Variants in TECTA observed in about 807,000 individuals in gnomAD.
The protein encoded by TECTA is alpha-tectorin.
Under a neutral mutation model 216.8 loss-of-function variants are expected in TECTA, and 128 were observed. The observed-to-expected ratio is 0.59, with a 90% CI of 0.51 to 0.68. TECTA has a LOEUF of 0.68. Ranked by LOEUF, TECTA falls within the 30% of genes least tolerant of loss-of-function variation. TECTA has a pLI of 0.00. For missense variants in TECTA, 2,551 were observed against 2,786.2 expected, an observed-to-expected ratio of 0.92 and a Z score of 1.90; for synonymous variants, 1,089 against 1,117.1, an observed-to-expected ratio of 0.97 and a Z score of 0.50.
At chr11:121,167,116 G>T (rs1311114173) in intron 18 of TECTA, among the ~76,000 whole-genome samples, 1 of 152,146 alleles carries the variant, frequency 6.6e-6, no homozygotes, top group Non-Finnish European at 1.5e-5. Context: ...AGGGGGTAAG[G>T]GAGTCCCGAA....
chr11:121,125,308 G>C lies in TECTA; in HGVS notation c.1210G>C (p.Asp404His), dbSNP rs760470781. ...KGSYGRVKVNDLVTSLPVTLD... is the reference protein window; with the variant it reads ...KGSYGRVKVNHLVTSLPVTLD... Reference sequence around the variant, plus strand: ...CTATTACTGTTGTTGGCAGGTTAATGACCTAGTGACTTCTTTGCCTGTCAC... The same window carrying C: ...CTATTACTGTTGTTGGCAGGTTAATCACCTAGTGACTTCTTTGCCTGTCAC... The change falls in exon 8 of 24, where the codon GAC becomes CAC. Residue 404 changes from aspartate to histidine, a missense_variant. Asp to His is a moderately conservative substitution (Grantham distance 81, BLOSUM62 -1). Around this residue, in one of 3 missense-constraint regions of TECTA, gnomAD observed 2,375 missense variants for 2,563.9 expected, o/e 0.93. Coordinates refer to ENST00000392793, the MANE Select transcript of TECTA (RefSeq NM_005422.4). 6.2e-7 allele frequency: 1 copy of C among 1,613,096 alleles called. No homozygotes were observed. Among genetic ancestry groups the C allele is most frequent in the Non-Finnish European group, 8.5e-7 (1 of 1,180,036 alleles).
chr11:121,137,453 G>C lies in TECTA; in HGVS notation c.2974G>C (p.Glu992Gln), dbSNP rs1240142186. The C allele has an allele frequency of 6.2e-7, 1 of 1,613,838 alleles. No individual in the cohort carries two copies. The highest frequency in any genetic ancestry group is 2.2e-5 in the East Asian group (1 of 44,800). ...LECPENSHFE[E>Q]CITCTETCET... ...GTGCCCAGAGAACAGCCACTTTGAGGAGTGCATCACATGTACAGAGACCTG... is the reference window on the plus strand; with the variant it reads ...GTGCCCAGAGAACAGCCACTTTGAGCAGTGCATCACATGTACAGAGACCTG... Residue 992 changes from glutamate to glutamine, a missense_variant, in exon 11 of 24, where the codon GAG (glutamate) becomes CAG (glutamine). Physicochemically the swap from Glu to Gln is conservative, Grantham distance 29. Around this residue, in one of 3 missense-constraint regions of TECTA, gnomAD observed 2,375 missense variants for 2,563.9 expected, o/e 0.93. Transcript: ENST00000392793.
At chr11:121,104,408 C>T (rs1033459120) in intron 2 of TECTA, among the ~76,000 whole-genome samples, 1 of 152,130 alleles carries the variant, frequency 6.6e-6, no homozygotes, top group Non-Finnish European at 1.5e-5. Flanking sequence ...GCCTCAAATT[C>T]GGGCTGCTTC....
At position 121,157,960 on chromosome 11, in the gene TECTA, G is replaced by C; in HGVS notation, c.4425G>C (p.Gly1475=). ...ACGAGGAGTGTGCGCTGCGCAACGG[G>C]GTGCGCGGCTGCTTCAGCACCAAGA... ...KSDEECALRN[G]VRGCFSTKTS... Residue 1475 remains glycine, a synonymous_variant, in exon 14 of 24, where the codon GGG becomes GGC. Transcript: ENST00000392793. 6.2e-7 allele frequency: 1 copy of C among 1,613,764 alleles called. No individual in the cohort carries two copies.
intron 11 of TECTA, among the ~76,000 whole-genome samples, chr11:121,140,616 A>G (rs560401): frequency 0.48 from 72,813 of 152,046 alleles, 19,366 homozygotes; most frequent in African/African-American, 0.72. Context: ...TCAAGGTGGC[A>G]GCAGGTTCAC....
At chr11:121,170,357 T>G (rs1270471934) in intron 20 of TECTA, among the ~76,000 whole-genome samples, 2 of 152,220 alleles carry the variant, frequency 1.3e-5, no homozygotes, top group Admixed American at 1.3e-4. Context: ...TCCTTTCCTT[T>G]GGATAAATAC....
chr11:121,151,667 C>G (rs914752512), intron 12 of TECTA, among the ~76,000 whole-genome samples: 1 of 151,144 alleles, frequency 6.6e-6, no homozygotes, highest in African/African-American at 2.5e-5. Context: ...CTACACTATG[C>G]AAGTATTATG....
chr11:121,165,909 A>G (rs971180188), intron 17 of TECTA, among the ~76,000 whole-genome samples: 28 of 152,252 alleles, frequency 1.8e-4, no homozygotes, highest in African/African-American at 5.3e-4. Flanking sequence ...TTTGCCTTCC[A>G]TCTCTGCTCC....
intron 11 of TECTA, among the ~76,000 whole-genome samples, chr11:121,138,297 G>A (rs1028303376): frequency 1.3e-5 from 2 of 152,216 alleles, no homozygotes; most frequent in Non-Finnish European, 2.9e-5. Context: ...AGCAGAGCAT[G>A]CTGGAGAGAG....
chr11:121,187,507 C>T (rs907511121), intron 20 of TECTA, among the ~76,000 whole-genome samples: 2 of 152,170 alleles, frequency 1.3e-5, no homozygotes, highest in South Asian at 2.1e-4. Context: ...AAATTGGTAT[C>T]GGTAGAACAC....
Position 121,162,309 on chromosome 11 carries a change from C to T in TECTA, c.5211C>T (p.Tyr1737=), listed in dbSNP as rs753147946. 93 of 1,612,998 alleles carry T rather than the reference C, an allele frequency of 5.8e-5. No individual in the cohort carries two copies. Among genetic ancestry groups the T allele is most frequent in the Middle Eastern group, 1.6e-4 (1 of 6,084 alleles). Residue 1737 remains tyrosine, a synonymous_variant, in exon 16 of 24, where the codon TAC becomes TAT. Transcript: ENST00000392793. ...AGCTGTGCGGCTCCCTGGCCGCCTA[C>T]GGGGAGGCCTGCCGCTCCTTCGGGA... The part of the protein sequence containing the change: ...KFQLCGSLAA[Y]GEACRSFGIL...
Position 121,165,263 on chromosome 11 carries a change from T to C in TECTA, c.5273-10T>C. 6.3e-7 allele frequency: 1 copy of C among 1,590,388 alleles called. No individual in the cohort carries two copies. Among genetic ancestry groups the C allele is most frequent in the Non-Finnish European group, 8.6e-7 (1 of 1,167,500 alleles). Reference sequence around the variant, plus strand: ...AAGTTGTGCATGTTTCTGTGTGTTTTTCTTTTTAGCAGGAGTGGTTGAAGA... The same window carrying C: ...AAGTTGTGCATGTTTCTGTGTGTTTCTCTTTTTAGCAGGAGTGGTTGAAGA... On this transcript the variant is annotated splice_polypyrimidine_tract_variant and intron_variant, in intron 16 of 23. Transcript: ENST00000392793.
chr11:121,151,586 G>A (rs961987011), intron 12 of TECTA, among the ~76,000 whole-genome samples: 2 of 152,098 alleles, frequency 1.3e-5, no homozygotes, highest in African/African-American at 2.4e-5. Context: ...AACACTTCTG[G>A]AAAAATTGAC....
chr11:121,190,610 T>C, intron 23 of TECTA, 96 bp from the exon 24 acceptor site: 1 of 977,844 alleles, frequency 1.0e-6, no homozygotes, highest in South Asian at 1.3e-5. Flanking sequence ...GCAATGAAGT[T>C]TCCTTTCTTT....
At chr11:121,123,601 C>A (rs889250422) in intron 7 of TECTA, among the ~76,000 whole-genome samples, 1 of 152,228 alleles carries the variant, frequency 6.6e-6, no homozygotes, top group Non-Finnish European at 1.5e-5. Context: ...GCTTAAAAGC[C>A]TTCAAGGGCT....
rs375406423 is a variant in TECTA, at chr11:121,129,970, G to A, written c.2700G>A (p.Ser900=). The stretch of plus-strand genomic sequence containing the variant: ...TGCTGAAGGCCTGCAACAATGACTC[G>A]GAGCTGCTCAAGTTTTATCGAAGCC... ...GDLLKACNND[S]ELLKFYRSRS... The change falls in exon 10 of 24, where the codon TCG becomes TCA. Residue 900 remains serine, a synonymous_variant. Coordinates refer to ENST00000392793, the MANE Select transcript of TECTA (RefSeq NM_005422.4). The A allele has an allele frequency of 2.5e-4, 394 of 1,605,386 alleles. No homozygotes were observed. Among genetic ancestry groups the A allele is most frequent in the Non-Finnish European group, 3.2e-4 (375 of 1,174,472 alleles).
rs537271720 is a variant in TECTA, at chr11:121,134,659, T to C, written c.2942-2762T>C. On this transcript the variant is annotated intron_variant, in intron 10 of 23. Coordinates refer to ENST00000392793, the MANE Select transcript of TECTA (RefSeq NM_005422.4). Reference sequence around the variant, plus strand: ...ACGATCTCTGTTTCTGCTCCCACATTGAGCCTCCCAGTTGTATTTCATTCA... The same window carrying C: ...ACGATCTCTGTTTCTGCTCCCACATCGAGCCTCCCAGTTGTATTTCATTCA... Among the ~76,000 whole-genome samples, 21 of 152,280 alleles carry C rather than the reference T, an allele frequency of 1.4e-4. No individual in the cohort carries two copies. The East Asian group carries it at 3.7e-3, about 27-fold the overall frequency.
intron 20 of TECTA, among the ~76,000 whole-genome samples, chr11:121,175,895 T>C (rs1195837207): frequency 1.3e-5 from 2 of 152,238 alleles, no homozygotes; most frequent in South Asian, 4.1e-4. Flanking sequence ...CATATGTATT[T>C]AGGATAGTTA....
intron 18 of TECTA, 151 bp downstream of exon 18, chr11:121,166,931 A>G (rs1249023816): frequency 4.7e-6 from 4 of 855,370 alleles, no homozygotes; most frequent in East Asian, 2.6e-5. Context: ...CATGAAAGAC[A>G]GCAAGAGCAG....
Sources: allele counts gnomAD v4.1 joint callset (sites outside exome capture counted in the v4.1 genomes callset), GRCh38; gene constraint gnomAD v4.1.1; regional missense constraint gnomAD v4.1.1; transcripts MANE v1.5; gene names NCBI Gene and HGNC (gene_info 2026-07-23, HGNC 2026-07-21).